The following GRTP1 variants were observed in gnomAD, a reference collection of about 807,000 sequenced individuals.
GRTP1 encodes growth hormone-regulated TBC protein 1.
A neutral mutation model predicts 38.1 loss-of-function variants in GRTP1; 56 were observed. The observed-to-expected ratio is 1.47, with a 90% CI of 1.19 to 1.84. GRTP1 has a LOEUF of 1.84. GRTP1 is among the 40% of genes most tolerant of loss of function. The pLI is 0.00. For synonymous variants in GRTP1, 217 were observed against 189.5 expected (o/e 1.14, Z -1.19); for missense variants, 506 against 453.9 (o/e 1.11, Z -1.04).
intron 5 of GRTP1, among the ~76,000 whole-genome samples, chr13:113,333,605 G>A (rs2042906863): frequency 6.6e-6 from 1 of 152,040 alleles, no homozygotes; most frequent in Non-Finnish European, 1.5e-5. Flanking sequence ...CCCAGGCTCA[G>A]ACAATTCTCG....
Position 113,343,591 on chromosome 13 carries a change from G to C in GRTP1, c.562+1272C>G, listed in dbSNP as rs1174204726. ...TCTGAACCAGGCTCTGCCATGTACA[G>C]CGGTGGTCAGGCCAGCACGCAAATT... On this transcript the variant is annotated intron_variant, in intron 5 of 7. Coordinates refer to ENST00000375431, the MANE Select transcript of GRTP1 (RefSeq NM_024719.4). The surrounding 1 kb of genome is among the most constrained non-coding windows in gnomAD (Gnocchi z 4.8). 6.6e-6 allele frequency among the ~76,000 whole-genome samples: 1 copy of C among 152,242 alleles called. No individual in the cohort carries two copies. Among genetic ancestry groups the C allele is most frequent in the Non-Finnish European group, 1.5e-5 (1 of 68,048 alleles).
intron 5 of GRTP1, among the ~76,000 whole-genome samples, chr13:113,326,947 C>T (rs1287027305): frequency 1.3e-5 from 2 of 152,160 alleles, no homozygotes; most frequent in African/African-American, 2.4e-5. Flanking sequence ...GAGAGGGCGG[C>T]GGCAATGGTT....
chr13:113,356,306 C>T (rs928754427), intron 2 of GRTP1, among the ~76,000 whole-genome samples: 5 of 151,954 alleles, frequency 3.3e-5, no homozygotes, highest in Non-Finnish European at 7.4e-5. Flanking sequence ...CTTGTTCTGT[C>T]GCCCAGGCTG....
At position 113,324,247 on chromosome 13, in the gene GRTP1, A is replaced by G. The variant is rs1401517110; in HGVS notation, c.*241T>C. 4.3e-6 allele frequency: 2 copies of G among 465,550 alleles called. No homozygotes were observed. The highest frequency in any genetic ancestry group is 7.2e-6 in the Non-Finnish European group (2 of 278,872). The allele number at this position is 465,550 out of a possible 1,614,324, so 28.8% of individuals were successfully genotyped here. A position where few individuals can be genotyped will look rare whatever the true frequency, so the allele number is the denominator to read the frequency against. On this transcript the variant is annotated 3_prime_UTR_variant, in exon 8 of 8. Transcript: ENST00000375431. ...ATACAAACCCACACTCACATTTTAT[A>G]TATTATTGATCTCTCAGGTAAAAAT...
chr13:113,325,705 T>C lies in GRTP1; in HGVS notation c.877A>G (p.Ile293Val). The C allele has an allele frequency of 1.9e-6, 3 of 1,614,204 alleles. No homozygotes were observed. Among genetic ancestry groups the C allele is most frequent in the South Asian group, 2.2e-5 (2 of 91,088 alleles). Residue 293 changes from isoleucine (I) to valine (V), a missense_variant, in exon 7 of 8, where the codon ATA becomes GTA. Ile to Val is a conservative substitution (Grantham distance 29). Transcript: ENST00000375431. ...TCCATCACGAAACTCCCTTTGGTTA[T>C]CTGCTTAAACTTATCGCAAATGTCT... ...VPDICDKFKQ[I>V]TKGSFVMECH...
At chr13:113,325,492 G>A (rs2042746314) in intron 7 of GRTP1, 169 bp downstream of exon 7, 19 of 1,472,986 alleles carry the variant, frequency 1.3e-5, no homozygotes, top group Non-Finnish European at 1.6e-5. Context: ...GAAAGCCCTC[G>A]GAGGCCAGGC....
At chr13:113,352,035 C>G (rs755992) in intron 3 of GRTP1, 51,068 of 150,566 alleles carry the variant, frequency 0.34, 9,247 homozygotes, top group East Asian at 0.6. Flanking sequence ...AGATTTGGGC[C>G]AACATTAGTT....
intron 5 of GRTP1, among the ~76,000 whole-genome samples, chr13:113,333,834 ATTTAGTGTGTGT>A (rs1440519027): frequency 2.2e-5 from 2 of 92,040 alleles, no homozygotes; most frequent in Non-Finnish European, 2.1e-5. Context: ...TTATTTATTT[ATTTAGTGTGTGT>A]GTGTGTGTGT....
rs566803084 is a variant in GRTP1 at position 113,342,272 on chromosome 13, G to A, written c.562+2591C>T. Among the ~76,000 whole-genome samples, 6 of 152,240 alleles carry A rather than the reference G, an allele frequency of 3.9e-5. No homozygotes were observed. Among genetic ancestry groups the A allele is most frequent in the East Asian group, 1.9e-4 (1 of 5,164 alleles). On this transcript the variant is annotated intron_variant, in intron 5 of 7. Coordinates refer to ENST00000375431, the MANE Select transcript of GRTP1 (RefSeq NM_024719.4). This position sits in a 1 kb window ranked among gnomAD's most constrained non-coding sequence, Gnocchi z 4.5. Reference sequence around the variant, plus strand: ...CTATAAAAAGTACTGTTGGGAGGCCGAGGCAGGCGGATCACGAGGTCAGGA... The same window carrying A: ...CTATAAAAAGTACTGTTGGGAGGCCAAGGCAGGCGGATCACGAGGTCAGGA...
chr13:113,332,771 G>C (rs575063890), intron 5 of GRTP1, among the ~76,000 whole-genome samples: 1 of 152,362 alleles, frequency 6.6e-6, no homozygotes, highest in Non-Finnish European at 1.5e-5. Context: ...AGGCCCATGG[G>C]GTGAGCCCAG....
In GRTP1 at chr13:113,343,586, G is replaced by A. The variant is rs960716965; in HGVS notation, c.562+1277C>T. ...CAGGATCTGAACCAGGCTCTGCCAT[G>A]TACAGCGGTGGTCAGGCCAGCACGC... On this transcript the variant is annotated intron_variant, in intron 5 of 7. Transcript: ENST00000375431. This position sits in a 1 kb window ranked among gnomAD's most constrained non-coding sequence, Gnocchi z 4.8. Among the ~76,000 whole-genome samples, 2 of 152,236 alleles carry A rather than the reference G, an allele frequency of 1.3e-5. No individual in the cohort carries two copies. Among genetic ancestry groups the A allele is most frequent in the African/African-American group, 2.4e-5 (1 of 41,450 alleles).
chr13:113,364,104 C>T lies in GRTP1; in HGVS notation c.-53G>A. On this transcript the variant is annotated 5_prime_UTR_variant, in exon 1 of 8. Transcript: ENST00000375431. ...GGCCAGCGGGTCCCAAGTTCGCCTC[C>T]CGGCTCCGGGGCGCTTAAGTCCTTC... The T allele has an allele frequency of 8.2e-7, 1 of 1,221,304 alleles. No individual in the cohort carries two copies. 75.7% of individuals were successfully genotyped at this position (1,221,304 alleles called of 1,614,324 possible). A position where few individuals can be genotyped will look rare whatever the true frequency, so the allele number is the denominator to read the frequency against.
At chr13:113,356,825 C>A (rs1338218702) in intron 2 of GRTP1, among the ~76,000 whole-genome samples, 1 of 152,106 alleles carries the variant, frequency 6.6e-6, no homozygotes, top group Non-Finnish European at 1.5e-5. Flanking sequence ...TGATCATGTG[C>A]TATGTGATTA....
At chr13:113,359,405 G>C (rs1318474735) in intron 2 of GRTP1, among the ~76,000 whole-genome samples, 1 of 152,088 alleles carries the variant, frequency 6.6e-6, no homozygotes, top group Non-Finnish European at 1.5e-5. Flanking sequence ...AATCCCAGGA[G>C]ACTCCATCTC....
chr13:113,344,611 G>T (rs2043071449), intron 5 of GRTP1, among the ~76,000 whole-genome samples: 1 of 150,370 alleles, frequency 6.7e-6, no homozygotes, highest in African/African-American at 2.4e-5. Flanking sequence ...TACTTGGGAG[G>T]CTGAGGCAGG....
At chr13:113,336,052 A>G (rs2042950065) in intron 5 of GRTP1, among the ~76,000 whole-genome samples, 1 of 151,938 alleles carries the variant, frequency 6.6e-6, no homozygotes, top group Non-Finnish European at 1.5e-5. Context: ...TCGGCCTCAC[A>G]AAGTGCTGGG....
In GRTP1 at chr13:113,341,354, T is replaced by C. The variant is rs548506215; in HGVS notation, c.562+3509A>G. Among the ~76,000 whole-genome samples, 7 of 152,152 alleles carry C rather than the reference T, an allele frequency of 4.6e-5. No individual in the cohort carries two copies. The East Asian group carries it at 9.7e-4, about 21-fold the overall frequency. ...TGATCTCGGCTTTCTGCAACCTCTGTCCCCTGGGTTCAAGCAATTCTCCTG... is the reference window on the plus strand; with the variant it reads ...TGATCTCGGCTTTCTGCAACCTCTGCCCCCTGGGTTCAAGCAATTCTCCTG... On this transcript the variant is annotated intron_variant, in intron 5 of 7. Transcript: ENST00000375431.
intron 5 of GRTP1, among the ~76,000 whole-genome samples, chr13:113,341,159 G>C (rs1475156): frequency 0.24 from 35,926 of 151,454 alleles, 5,801 homozygotes; most frequent in African/African-American, 0.46. Context: ...CACCAATCAC[G>C]ACTGCACCAT....
chr13:113,346,011 TGCGGCTGAGCAGACCTGG>T lies in GRTP1; in HGVS notation c.466-1070_466-1053del, dbSNP rs1185218184. Among the ~76,000 whole-genome samples the T allele has an allele frequency of 6.4e-4, 61 of 94,576 alleles. No individual in the cohort carries two copies. The South Asian group carries it at 0.021, about 32-fold the overall frequency. The allele number at this position is 94,576 out of a possible 152,430, so 62.0% of individuals were successfully genotyped here. A position where few individuals can be genotyped will look rare whatever the true frequency, so the allele number is the denominator to read the frequency against. ...CCGAGAGTGGACCCGAGAGGACCTC[TGCGGCTGAGCAGACCTGG>T]GAAGACATCTGTGGCCGAGAGCAGA... On this transcript the variant is annotated intron_variant, in intron 4 of 7. Coordinates refer to ENST00000375431, the MANE Select transcript of GRTP1 (RefSeq NM_024719.4).
Sources: gnomAD v4.1 joint callset for allele counts (sites outside exome capture counted in the v4.1 genomes callset) on GRCh38, gnomAD v4.1.1 for gene constraint, Gnocchi (gnomAD v3.1) non-coding constraint, MANE v1.5 for transcripts, NCBI Gene and HGNC (gene_info 2026-07-23, HGNC 2026-07-21) for gene names.